Variants in KCNJ3 observed in about 807,000 individuals in gnomAD.
KCNJ3 encodes the protein G protein-activated inward rectifier potassium channel 1.
A neutral mutation model predicts 39.2 loss-of-function variants in KCNJ3; 4 were observed. The observed-to-expected ratio is 0.10, with a 90% CI of 0.05 to 0.23. The LOEUF is 0.23. Ranked by LOEUF, KCNJ3 falls within the 10% of genes least tolerant of loss-of-function variation. KCNJ3 has a pLI of 1.00. For synonymous variants in KCNJ3, 230 were observed against 237.4 expected (o/e 0.97, Z 0.29); for missense variants, 276 against 634.9 (o/e 0.43, Z 6.08).
At chr2:154,713,600 G>A (rs1685137319) in intron 2 of KCNJ3, among the ~76,000 whole-genome samples, 1 of 152,132 alleles carries the variant, frequency 6.6e-6, no homozygotes, top group Admixed American at 6.5e-5. Flanking sequence ...TCATTGATCA[G>A]ACACAGGTTT....
At chr2:154,721,843 A>G (rs1257462638) in intron 2 of KCNJ3, among the ~76,000 whole-genome samples, 2 of 152,176 alleles carry the variant, frequency 1.3e-5, no homozygotes, top group African/African-American at 4.8e-5. Flanking sequence ...CTCAGAGTCC[A>G]TTGGTGGAAT....
chr2:154,792,652 T>G (rs1464109486), intron 2 of KCNJ3, among the ~76,000 whole-genome samples: 2 of 152,144 alleles, frequency 1.3e-5, no homozygotes, highest in Non-Finnish European at 2.9e-5. Context: ...TGATTGTGTT[T>G]GCCAGGAGAA....
At chr2:154,770,937 C>G (rs1484875332) in intron 2 of KCNJ3, among the ~76,000 whole-genome samples, 1 of 139,112 alleles carries the variant, frequency 7.2e-6, no homozygotes, top group African/African-American at 2.7e-5. Context: ...GTTGCCCAGG[C>G]TAGAGTGCAG....
intron 2 of KCNJ3, among the ~76,000 whole-genome samples, chr2:154,816,013 T>C (rs1260655781): frequency 1.3e-5 from 2 of 152,216 alleles, no homozygotes; most frequent in Non-Finnish European, 2.9e-5. Flanking sequence ...AAGCCAATTA[T>C]TTGTTTGCTT....
intron 2 of KCNJ3, among the ~76,000 whole-genome samples, chr2:154,720,604 A>G (rs1278684451): frequency 6.6e-6 from 1 of 151,994 alleles, no homozygotes; most frequent in Non-Finnish European, 1.5e-5. Flanking sequence ...ATTCACATGT[A>G]GTACCGACTC....
intron 2 of KCNJ3, among the ~76,000 whole-genome samples, chr2:154,772,880 C>T (rs1191089518): frequency 6.6e-6 from 1 of 151,608 alleles, no homozygotes; most frequent in Admixed American, 6.6e-5. Context: ...GTGCAGTTAA[C>T]CAAGTGTGAT....
rs542207974 is a variant in KCNJ3 at position 154,801,517 on chromosome 2, C to A, written c.920-53210C>A. On this transcript the variant is annotated intron_variant, in intron 2 of 2. Transcript: ENST00000295101. ...TTTCTTTTCTTTTTTCTTTTCTTTT[C>A]TTTCTTTCCTTCTTTCCTTCTTTCT... Among the ~76,000 whole-genome samples, 6 of 149,140 alleles carry A rather than the reference C, an allele frequency of 4.0e-5. No homozygotes were observed. The East Asian group carries it at 1.2e-3, about 30-fold the overall frequency.
chr2:154,776,856 A>C (rs1240056465), intron 2 of KCNJ3, among the ~76,000 whole-genome samples: 2 of 151,732 alleles, frequency 1.3e-5, no homozygotes, highest in Non-Finnish European at 2.9e-5. Flanking sequence ...ATCCATTGGC[A>C]ATAAATAGAA....
At chr2:154,763,142 G>T (rs2105190311) in intron 2 of KCNJ3, among the ~76,000 whole-genome samples, 1 of 152,254 alleles carries the variant, frequency 6.6e-6, no homozygotes, top group East Asian at 1.9e-4. Flanking sequence ...AATTTTGTGA[G>T]AACTTTATTA....
intron 2 of KCNJ3, among the ~76,000 whole-genome samples, chr2:154,739,484 C>T (rs1280100356): frequency 6.6e-6 from 1 of 152,020 alleles, no homozygotes; most frequent in African/African-American, 2.4e-5. Flanking sequence ...TCGTCTTTCT[C>T]CTGTCATTTG....
intron 2 of KCNJ3, among the ~76,000 whole-genome samples, chr2:154,745,888 A>G (rs1558862774): frequency 6.6e-6 from 1 of 151,938 alleles, no homozygotes; most frequent in Non-Finnish European, 1.5e-5. Context: ...ATTCCCACTC[A>G]GCCGTCATTG....
chr2:154,836,303 A>AACTT (rs1174201656), intron 2 of KCNJ3, among the ~76,000 whole-genome samples: 1 of 152,072 alleles, frequency 6.6e-6, no homozygotes, highest in African/African-American at 2.4e-5. Flanking sequence ...TTTAGCATTA[A>AACTT]ACTTACAGAG....
intron 2 of KCNJ3, among the ~76,000 whole-genome samples, chr2:154,767,957 A>C (rs933910802): frequency 1.3e-5 from 2 of 152,082 alleles, no homozygotes; most frequent in Non-Finnish European, 2.9e-5. Context: ...GCATTTTTTC[A>C]TGTGTCTGTT....
intron 2 of KCNJ3, among the ~76,000 whole-genome samples, chr2:154,741,622 C>T (rs1685655011): frequency 6.6e-6 from 1 of 151,682 alleles, no homozygotes; most frequent in African/African-American, 2.4e-5. Context: ...AATGAATTTA[C>T]AATAATTATC....
rs147511112 is a variant in KCNJ3, at chr2:154,767,323, C to G, written c.919+57504C>G. 8.3e-4 allele frequency among the ~76,000 whole-genome samples: 126 copies of G among 151,996 alleles called. 3 individuals are homozygous for G. The East Asian group carries it at 0.022, about 27-fold the overall frequency. On this transcript the variant is annotated intron_variant, in intron 2 of 2. Transcript: ENST00000295101. ...TTACATTAGGTATATTGCCTAATGCCATCCCTCCCCACTCCCCCCACCCCA... is the reference window on the plus strand; with the variant it reads ...TTACATTAGGTATATTGCCTAATGCGATCCCTCCCCACTCCCCCCACCCCA...
At chr2:154,840,659 G>A (rs913950968) in intron 2 of KCNJ3, among the ~76,000 whole-genome samples, 1 of 152,196 alleles carries the variant, frequency 6.6e-6, no homozygotes, top group Non-Finnish European at 1.5e-5. Context: ...CACATCCCTT[G>A]TAAGTTGGAT....
At chr2:154,834,073 G>T (rs1017821357) in intron 2 of KCNJ3, among the ~76,000 whole-genome samples, 2 of 152,034 alleles carry the variant, frequency 1.3e-5, no homozygotes, top group African/African-American at 2.4e-5. Context: ...AAATATCAAG[G>T]GTTGTATGGT....
intron 2 of KCNJ3, among the ~76,000 whole-genome samples, chr2:154,815,412 TCTC>T (rs1687067866): frequency 6.6e-6 from 1 of 152,212 alleles, no homozygotes; most frequent in African/African-American, 2.4e-5. Flanking sequence ...TTCTTTTTTA[TCTC>T]CTCTTTTTTC....
chr2:154,728,253 A>G (rs1363586126), intron 2 of KCNJ3, among the ~76,000 whole-genome samples: 1 of 152,044 alleles, frequency 6.6e-6, no homozygotes, highest in Non-Finnish European at 1.5e-5. Flanking sequence ...AAAATTACTG[A>G]TACTCTTGGC....
Sources: gnomAD v4.1 joint callset for allele counts (sites outside exome capture counted in the v4.1 genomes callset) on GRCh38, gnomAD v4.1.1 for gene constraint, MANE v1.5 for transcripts, NCBI Gene and HGNC (gene_info 2026-07-23, HGNC 2026-07-21) for gene names.